Variants in MZT2A observed in about 807,000 individuals in gnomAD.
The protein encoded by MZT2A is mitotic spindle organizing protein 2A.
A neutral mutation model predicts 12.4 loss-of-function variants in MZT2A; 8 were observed. That is an observed-to-expected ratio of 0.64 (90% CI 0.38 to 1.16). MZT2A has a LOEUF of 1.16. Ranked by LOEUF, MZT2A falls within the 50% of genes most tolerant of loss-of-function variation. The pLI is 0.01. For synonymous variants in MZT2A, 88 were observed against 107.5 expected, an observed-to-expected ratio of 0.82 and a Z score of 1.12; for missense variants, 181 against 223.6, an observed-to-expected ratio of 0.81 and a Z score of 1.22.
At chr2:131,476,465 G>A (rs1309099276) in intron 2 of MZT2A, among the ~76,000 whole-genome samples, 1 of 152,212 alleles carries the variant, frequency 6.6e-6, no homozygotes, top group African/African-American at 2.4e-5. Context: ...AGAGCAAATA[G>A]TGGCGTCGCC....
chr2:131,493,209 G>C, upstream of MZT2A: 1 of 1,375,878 alleles, frequency 7.3e-7, no homozygotes. Flanking sequence ...CCCTGCGGAG[G>C]CCATCTCCGT....
chr2:131,476,226 C>T (rs1486814925), intron 2 of MZT2A: 4 of 1,613,898 alleles, frequency 2.5e-6, no homozygotes, highest in East Asian at 2.2e-5. Flanking sequence ...CACTCCCGCC[C>T]CGCAGATGCC....
intron 2 of MZT2A, chr2:131,490,591 C>A: frequency 6.5e-7 from 1 of 1,540,468 alleles, no homozygotes; most frequent in Non-Finnish European, 8.8e-7. Flanking sequence ...AGCGGCAGGG[C>A]AGCGGTGGCC....
chr2:131,479,726 G>T (rs1678787781), downstream of MZT2A, among the ~76,000 whole-genome samples: 1 of 152,134 alleles, frequency 6.6e-6, no homozygotes, highest in Non-Finnish European at 1.5e-5. Context: ...TGTACTCCCA[G>T]CTACTTGAGA....
rs11553182 is a variant in MZT2A at position 131,484,131 on chromosome 2, C to T, written c.407G>A (p.Arg136His). 162,203 of 1,613,874 alleles carry T rather than the reference C, an allele frequency of 0.1. 12,875 individuals carry two copies. Among genetic ancestry groups the T allele is most frequent in the African/African-American group, 0.43 (31,865 of 74,934 alleles). Residue 136 changes from arginine (R) to histidine (H), a missense_variant, in exon 3 of 3, where the codon CGC becomes CAC. This residue lies in a region of MZT2A where 72 missense variants were observed against 76.9 expected (regional missense o/e 0.94). Coordinates refer to ENST00000309451, the MANE Select transcript of MZT2A (RefSeq NM_001085365.2). ...NHEGSSQRMPRQPSATRLPKG... is the reference protein window; with the variant it reads ...NHEGSSQRMPHQPSATRLPKG... ...GGGCAGCCTGGTAGCGCTGGGCTGG[C>T]GTGGCATCCTCTGGCTGGATCCCTC...
chr2:131,492,479 C>T, upstream of MZT2A: 3 of 1,069,246 alleles, frequency 2.8e-6, no homozygotes, highest in Non-Finnish European at 3.4e-6. Context: ...CCCGGGCTGC[C>T]CTGGCGGGAG....
At chr2:131,472,956 T>C (rs1678503668) in intron 2 of MZT2A, among the ~76,000 whole-genome samples, 1 of 150,976 alleles carries the variant, frequency 6.6e-6, no homozygotes, top group Non-Finnish European at 1.5e-5. Flanking sequence ...ATCCCCAATG[T>C]GACTGTAGTT....
At position 131,487,745 on chromosome 2, in the gene MZT2A, T is replaced by G. The variant is rs146376550; in HGVS notation, c.320-3527A>C. 3.3e-3 allele frequency among the ~76,000 whole-genome samples: 510 copies of G among 152,342 alleles called. 1 individual carries two copies. The highest frequency in any genetic ancestry group is 5.3e-3 in the Non-Finnish European group (363 of 68,032). ...TGTTGGGATTACAGGTGTGAACCAA[T>G]GCCCAGCCTCATTCACTTTGGGGTT... On this transcript the variant is annotated intron_variant, in intron 2 of 2. Transcript: ENST00000309451.
chr2:131,482,936 C>G, downstream of MZT2A: 1 of 1,543,438 alleles, frequency 6.5e-7, no homozygotes, highest in Non-Finnish European at 8.7e-7. Flanking sequence ...TAAAACCAAG[C>G]CCTCTGTGTG....
At chr2:131,470,287 G>T (rs1031430024) in exon 4 of MZT2A, 9 of 1,132,696 alleles carry the variant, frequency 7.9e-6, no homozygotes, top group African/African-American at 1.9e-5. Context: ...GCTGCTGATG[G>T]GCATCTTTCA....
At chr2:131,479,410 T>A (rs1559348222), downstream of MZT2A, 1 of 1,614,074 alleles carries the variant, frequency 6.2e-7, no homozygotes, top group East Asian at 2.2e-5. Context: ...CATTACACCA[T>A]CGGCAAGGAG....
At chr2:131,474,259 G>A (rs371014442) in intron 2 of MZT2A, among the ~76,000 whole-genome samples, 6 of 151,862 alleles carry the variant, frequency 4.0e-5, no homozygotes, top group South Asian at 2.1e-4. Flanking sequence ...CGCCACGCCC[G>A]GCTAATTTTT....
rs952064216 is a variant in MZT2A at position 131,490,827 on chromosome 2, G to A, written c.319+1049C>T. The A allele has an allele frequency of 2.6e-6, 4 of 1,549,910 alleles. No individual in the cohort carries two copies. The African/African-American group carries it at 5.5e-5, about 21-fold the overall frequency. The stretch of plus-strand genomic sequence containing the variant: ...AGCATAACCAGAGAGGCCGCAGGCT[G>A]CGGGCTGGAGGAAAACGAGGGCCTT... On this transcript the variant is annotated intron_variant, in intron 2 of 2. Transcript: ENST00000309451.
intron 3 of MZT2A, among the ~76,000 whole-genome samples, chr2:131,470,589 C>A (rs1461734627): frequency 3.3e-5 from 5 of 152,246 alleles, no homozygotes; most frequent in Admixed American, 3.3e-4. Context: ...AAAGACCCTG[C>A]AACTGCATGG....
intron 2 of MZT2A, chr2:131,490,111 T>C: frequency 1.4e-6 from 1 of 714,242 alleles, no homozygotes; most frequent in Non-Finnish European, 1.7e-6. Flanking sequence ...AGGTGGCCGC[T>C]GTCAGGAGGC....
chr2:131,485,503 G>C (rs1247224786), intron 2 of MZT2A, among the ~76,000 whole-genome samples: 1 of 152,114 alleles, frequency 6.6e-6, no homozygotes, highest in Non-Finnish European at 1.5e-5. Context: ...GCTGTCCCTC[G>C]TGAGGGCACG....
At chr2:131,490,676 G>A (rs1482325126) in intron 2 of MZT2A, 3 of 1,549,314 alleles carry the variant, frequency 1.9e-6, no homozygotes, top group Admixed American at 2.0e-5. Context: ...AAACAAGGAA[G>A]AGCACCAACC....
upstream of MZT2A, chr2:131,492,459 C>T: frequency 8.5e-7 from 1 of 1,173,852 alleles, no homozygotes; most frequent in Non-Finnish European, 1.0e-6. Flanking sequence ...GCAGCGCCAG[C>T]GTCTGGCCTC....
At chr2:131,477,532 G>A (rs1312288287) in intron 2 of MZT2A, among the ~76,000 whole-genome samples, 1 of 149,860 alleles carries the variant, frequency 6.7e-6, no homozygotes, top group African/African-American at 2.5e-5. Context: ...TGAGCAGGAA[G>A]GGGCCAAGGA....
Sources: gnomAD v4.1 joint callset for allele counts (sites outside exome capture counted in the v4.1 genomes callset) on GRCh38, gnomAD v4.1.1 for gene constraint, gnomAD v4.1.1 regional missense constraint, MANE v1.5 for transcripts, NCBI Gene and HGNC (gene_info 2026-07-23, HGNC 2026-07-21) for gene names.